Variants in TGFBR1 observed in about 807,000 individuals in gnomAD.
TGFBR1 encodes the protein transforming growth factor beta receptor 1, also known as TGF-beta receptor type-1.
Under a neutral mutation model 55.1 loss-of-function variants are expected in TGFBR1, and 20 were observed. The ratio of observed to expected loss-of-function variants is 0.36; its 90% CI spans 0.26 to 0.53. TGFBR1 has a LOEUF of 0.53. TGFBR1 is among the 20% of genes least tolerant of loss of function. The pLI is 0.91. For missense variants in TGFBR1, 385 were observed against 617.6 expected, an observed-to-expected ratio of 0.62 and a Z score of 3.99; for synonymous variants, 220 against 214.8, an observed-to-expected ratio of 1.02 and a Z score of -0.21.
intron 1 of TGFBR1, among the ~76,000 whole-genome samples, chr9:99,117,747 A>G (rs1826789126): frequency 6.6e-6 from 1 of 152,166 alleles, no homozygotes; most frequent in African/African-American, 2.4e-5. Context: ...TTATGATGTT[A>G]GGAGTCTTGA....
At chr9:99,133,996 T>TA (rs550064982) in intron 3 of TGFBR1, among the ~76,000 whole-genome samples, 11,403 of 110,510 alleles carry the variant, frequency 0.1, 596 homozygotes, top group African/African-American at 0.14. Flanking sequence ...AGACTCCATC[T>TA]AAAAAAAAAA....
chr9:99,140,500 T>A (rs937035007), intron 4 of TGFBR1, among the ~76,000 whole-genome samples: 3 of 151,944 alleles, frequency 2.0e-5, no homozygotes, highest in Middle Eastern at 3.4e-3. Flanking sequence ...AAAATAGTAA[T>A]CAGTCTGACC....
intron 2 of TGFBR1, among the ~76,000 whole-genome samples, chr9:99,131,615 G>GTA (rs1827226477): frequency 6.6e-6 from 1 of 151,178 alleles, no homozygotes; most frequent in African/African-American, 2.4e-5. Flanking sequence ...AGTATAAAAA[G>GTA]TATATATATG....
At chr9:99,120,267 T>C (rs1034461976) in intron 1 of TGFBR1, among the ~76,000 whole-genome samples, 1 of 152,230 alleles carries the variant, frequency 6.6e-6, no homozygotes, top group Non-Finnish European at 1.5e-5. Context: ...CATATCCTTA[T>C]AATACCTACC....
intron 5 of TGFBR1, among the ~76,000 whole-genome samples, chr9:99,143,514 A>G (rs1411147177): frequency 6.6e-6 from 1 of 152,214 alleles, no homozygotes; most frequent in Admixed American, 6.5e-5. Flanking sequence ...AGATGCCAGT[A>G]TATCTCTCTG....
intron 4 of TGFBR1, among the ~76,000 whole-genome samples, chr9:99,140,275 A>C (rs1284036148): frequency 3.3e-5 from 5 of 152,196 alleles, no homozygotes; most frequent in African/African-American, 1.2e-4. Flanking sequence ...CAAGATGATG[A>C]AACCCCATCT....
chr9:99,125,164 G>GATAATAAAA (rs1827004798), intron 1 of TGFBR1, among the ~76,000 whole-genome samples: 2 of 152,152 alleles, frequency 1.3e-5, no homozygotes, highest in African/African-American at 2.4e-5. Context: ...TGTGAGTAGT[G>GATAATAAAA]CCTCTTCTCA....
At chr9:99,105,848 G>C (rs1057019254) in intron 1 of TGFBR1, among the ~76,000 whole-genome samples, 3 of 152,186 alleles carry the variant, frequency 2.0e-5, no homozygotes, top group African/African-American at 7.2e-5. Flanking sequence ...CGTCCAGTGG[G>C]AGTCGGGGGC....
chr9:99,121,371 T>G (rs1826893655), intron 1 of TGFBR1, among the ~76,000 whole-genome samples: 2 of 152,118 alleles, frequency 1.3e-5, no homozygotes, highest in African/African-American at 4.8e-5. Context: ...GTTTTAGCCA[T>G]GTATACAGAG....
chr9:99,129,116 T>A lies in TGFBR1; in HGVS notation c.343+16T>A, dbSNP rs202224461. The A allele has an allele frequency of 6.2e-7, 1 of 1,613,126 alleles. No individual in the cohort carries two copies. On this transcript the variant is annotated intron_variant, in intron 2 of 8. Transcript: ENST00000374994. Reference sequence around the variant, plus strand: ...CCAACTACTGGTAAGTTGTATAAAATTTTTTTCCTAGATACTACAAGAAAA... The same window carrying A: ...CCAACTACTGGTAAGTTGTATAAAAATTTTTTCCTAGATACTACAAGAAAA...
Position 99,113,249 on chromosome 9 carries a change from G to C in TGFBR1, c.97+7947G>C, listed in dbSNP as rs1826637147. 2.6e-5 allele frequency among the ~76,000 whole-genome samples: 4 copies of C among 152,224 alleles called. No individual in the cohort carries two copies. The South Asian group carries it at 8.3e-4, about 32-fold the overall frequency. ...TCTTGGCTGAGATAAAAGAGAGGAAGTTTCCTGCTTGCGGCCTAGGCCTCA... is the reference window on the plus strand; with the variant it reads ...TCTTGGCTGAGATAAAAGAGAGGAACTTTCCTGCTTGCGGCCTAGGCCTCA... On this transcript the variant is annotated intron_variant, in intron 1 of 8. Transcript: ENST00000374994.
chr9:99,117,992 AATTTT>A (rs1309202960), intron 1 of TGFBR1, among the ~76,000 whole-genome samples: 2 of 152,142 alleles, frequency 1.3e-5, no homozygotes, highest in African/African-American at 2.4e-5. Flanking sequence ...TACATTTTAA[AATTTT>A]ATTTTATCTC....
Position 99,111,410 on chromosome 9 carries a change from C to T in TGFBR1, c.97+6108C>T, listed in dbSNP as rs145050705. Among the ~76,000 whole-genome samples the T allele has an allele frequency of 9.0e-4, 132 of 146,488 alleles. No individual in the cohort carries two copies. The Middle Eastern group carries it at 0.011, about 12-fold the overall frequency. ...TTGGGAGGCCGAAGTGGGCGAATCACGAGGTCAGGAGTTCGAGACCAGCCT... is the reference window on the plus strand; with the variant it reads ...TTGGGAGGCCGAAGTGGGCGAATCATGAGGTCAGGAGTTCGAGACCAGCCT... On this transcript the variant is annotated intron_variant, in intron 1 of 8. Transcript: ENST00000374994.
In TGFBR1 at chr9:99,151,933, A is replaced by G. The variant is rs953355844; in HGVS notation, c.*2628A>G. The G allele has an allele frequency of 2.0e-5, 4 of 200,834 alleles. No individual in the cohort carries two copies. Among genetic ancestry groups the G allele is most frequent in the African/African-American group, 6.9e-5 (3 of 43,560 alleles). The allele number at this position is 200,834 out of a possible 1,614,324, so 12.4% of individuals were successfully genotyped here. A position where few individuals can be genotyped will look rare whatever the true frequency, so the allele number is the denominator to read the frequency against. On this transcript the variant is annotated 3_prime_UTR_variant, in exon 9 of 9. Coordinates refer to ENST00000374994, the MANE Select transcript of TGFBR1 (RefSeq NM_004612.4). ...TCACCTTCCAAGATTCAACGTGGCT[A>G]AAACATCTTCTGGTAAATTGTGCGT...
intron 5 of TGFBR1, among the ~76,000 whole-genome samples, 180 bp downstream of exon 5, chr9:99,142,883 A>G (rs1827665276): frequency 6.6e-6 from 1 of 152,046 alleles, no homozygotes; most frequent in African/African-American, 2.4e-5. Flanking sequence ...ACATGACAAA[A>G]CCGCATCTCT....
intron 2 of TGFBR1, 101 bp downstream of exon 2, chr9:99,129,201 T>TATACA: frequency 7.4e-7 from 1 of 1,350,002 alleles, no homozygotes; most frequent in African/African-American, 1.4e-5. Context: ...CTAATCCAGC[T>TATACA]CATTCCGTTT....
At chr9:99,107,602 A>C (rs919510895) in intron 1 of TGFBR1, among the ~76,000 whole-genome samples, 3 of 152,046 alleles carry the variant, frequency 2.0e-5, no homozygotes, top group Non-Finnish European at 4.4e-5. Context: ...TATCCTCCAA[A>C]TCTAGTTGCT....
chr9:99,105,128 G>A lies in TGFBR1; in HGVS notation c.-78G>A, dbSNP rs955149948. ...AGGCCGCCGCGGCGGCTAGGGAGGT[G>A]GGGCGAGGCGAGGTTTGCTGGGGTG... On this transcript the variant is annotated 5_prime_UTR_variant, in exon 1 of 9. Transcript: ENST00000374994. The A allele has an allele frequency of 1.2e-5, 13 of 1,043,076 alleles. No homozygotes were observed. The highest frequency in any genetic ancestry group is 1.2e-5 in the Non-Finnish European group (10 of 859,686). The allele number at this position is 1,043,076 out of a possible 1,614,324, so 64.6% of individuals were successfully genotyped here.
intron 1 of TGFBR1, among the ~76,000 whole-genome samples, chr9:99,113,893 G>A (rs768721534): frequency 6.6e-6 from 1 of 152,146 alleles, no homozygotes; most frequent in Non-Finnish European, 1.5e-5. Context: ...TCAGGCAGAG[G>A]CTAGATAACC....
Sources: allele counts gnomAD v4.1 joint callset (sites outside exome capture counted in the v4.1 genomes callset), GRCh38; gene constraint gnomAD v4.1.1; transcripts MANE v1.5; gene names NCBI Gene and HGNC (gene_info 2026-07-23, HGNC 2026-07-21).